Variants in TEC observed in about 807,000 individuals in gnomAD.
The protein encoded by TEC is tec protein tyrosine kinase.
Under a neutral mutation model 93.0 loss-of-function variants are expected in TEC, and 72 were observed. The ratio of observed to expected loss-of-function variants is 0.77; its 90% CI spans 0.64 to 0.94. The LOEUF is 0.94. Among genes scored for constraint, TEC ranks in the 40% least tolerant of loss-of-function variants. The probability of loss-of-function intolerance (pLI) is 0.00; values close to 1 mark genes in which losing one functional copy is unlikely to be tolerated. For synonymous variants in TEC, 249 were observed against 247.7 expected, an observed-to-expected ratio of 1.01 and a Z score of -0.05; for missense variants, 630 against 757.9, an observed-to-expected ratio of 0.83 and a Z score of 1.98.
intron 1 of TEC, among the ~76,000 whole-genome samples, chr4:48,247,950 G>C (rs995952655): frequency 2.0e-5 from 3 of 152,170 alleles, no homozygotes; most frequent in African/African-American, 7.2e-5. Flanking sequence ...AAAAGGAGGA[G>C]TCAGAAACCA....
At chr4:48,218,823 T>C (rs1723162068) in intron 2 of TEC, among the ~76,000 whole-genome samples, 1 of 152,152 alleles carries the variant, frequency 6.6e-6, no homozygotes, top group Non-Finnish European at 1.5e-5. Flanking sequence ...CATGTCATCG[T>C]ACTTGTAACT....
intron 1 of TEC, among the ~76,000 whole-genome samples, chr4:48,264,274 T>C (rs1724574808): frequency 6.6e-6 from 1 of 152,190 alleles, no homozygotes; most frequent in African/African-American, 2.4e-5. Flanking sequence ...TAAAGTCTTT[T>C]TAAAAAGCTG....
At chr4:48,142,599 TTCAAGGTTAC>T (rs1439808711) in intron 14 of TEC, among the ~76,000 whole-genome samples, 1 of 152,256 alleles carries the variant, frequency 6.6e-6, no homozygotes, top group Non-Finnish European at 1.5e-5. Context: ...TTGCATGTTC[TTCAAGGTTAC>T]AAGGTTTAAG....
At chr4:48,211,722 T>C (rs1463283912) in intron 2 of TEC, among the ~76,000 whole-genome samples, 3 of 152,208 alleles carry the variant, frequency 2.0e-5, no homozygotes, top group Non-Finnish European at 4.4e-5. Context: ...AAAGTATATA[T>C]GAAATGTACC....
At position 48,179,367 on chromosome 4, in the gene TEC, TA is replaced by T. The variant is rs1402413182; in HGVS notation, c.139-3182del. 4.0e-3 allele frequency among the ~76,000 whole-genome samples: 164 copies of T among 41,080 alleles called. 2 individuals are homozygous for T. The highest frequency in any genetic ancestry group is 9.2e-3 in the East Asian group (7 of 764). 27.0% of individuals were successfully genotyped at this position (41,080 alleles called of 152,430 possible). A position where few individuals can be genotyped will look rare whatever the true frequency, so the allele number is the denominator to read the frequency against. On this transcript the variant is annotated intron_variant, in intron 2 of 17. Coordinates refer to ENST00000381501, the MANE Select transcript of TEC (RefSeq NM_003215.3). ...ATATATATATATATATATATATATA[TA>T]TATATATATTTTTTTTTTTTTTTTT...
intron 1 of TEC, among the ~76,000 whole-genome samples, chr4:48,255,916 A>G (rs1724328241): frequency 6.6e-6 from 1 of 152,208 alleles, no homozygotes; most frequent in African/African-American, 2.4e-5. Context: ...CAGCATTTGG[A>G]TAAATCAGCC....
rs150712765 is a variant in TEC at position 48,240,100 on chromosome 4, A to C, written c.-45-11441T>G. 3.1e-3 allele frequency among the ~76,000 whole-genome samples: 472 copies of C among 152,174 alleles called. 4 individuals are homozygous for C. Among genetic ancestry groups the C allele is most frequent in the African/African-American group, 0.011 (455 of 41,514 alleles). On this transcript the variant is annotated intron_variant, in intron 1 of 17. Coordinates refer to ENST00000381501, the MANE Select transcript of TEC (RefSeq NM_003215.3). ...AAATAATGTCTGTGATTTGCTTCCT[A>C]ATCTGAAGGGTATGGAAGAGTATAG...
At chr4:48,173,063 C>A (rs555055809) in intron 3 of TEC, among the ~76,000 whole-genome samples, 7 of 152,178 alleles carry the variant, frequency 4.6e-5, no homozygotes, top group Non-Finnish European at 8.8e-5. Flanking sequence ...ATCCATACAG[C>A]AATCCAGTTC....
At chr4:48,175,994 C>A (rs1721309174) in intron 3 of TEC, 88 bp downstream of exon 3, 5 of 1,017,984 alleles carry the variant, frequency 4.9e-6, no homozygotes, top group Non-Finnish European at 7.5e-6. Flanking sequence ...ACAAATCAGC[C>A]AGCAAAGCAA....
At chr4:48,169,005 T>G (rs112811069) in intron 5 of TEC, among the ~76,000 whole-genome samples, 14 of 151,914 alleles carry the variant, frequency 9.2e-5, no homozygotes, top group African/African-American at 3.4e-4. Flanking sequence ...AGTCCTAGAG[T>G]TTTGGCTGAC....
Position 48,169,961 on chromosome 4 carries a change from T to C in TEC, c.454+287A>G, listed in dbSNP as rs540093003. ...TGGTTTATTTGTTGAAGAACATTAA[T>C]GCTTTTCAAAGCTGCTGACAGTGCC... On this transcript the variant is annotated intron_variant, in intron 5 of 17. Transcript: ENST00000381501. Among the ~76,000 whole-genome samples the C allele has an allele frequency of 2.1e-4, 32 of 152,356 alleles. No individual in the cohort carries two copies. The South Asian group carries it at 6.0e-3, about 29-fold the overall frequency.
Position 48,204,497 on chromosome 4 carries a change from G to T in TEC, c.138+23980C>A, listed in dbSNP as rs974600055. Among the ~76,000 whole-genome samples, 36 of 152,184 alleles carry T rather than the reference G, an allele frequency of 2.4e-4. 1 individual carries two copies. Among genetic ancestry groups the T allele is most frequent in the Non-Finnish European group, 1.5e-5 (1 of 68,026 alleles). The stretch of plus-strand genomic sequence containing the variant: ...CGTGCCTTTTCCTTTCGCTGATTTT[G>T]CTTTGCATCTATCTCTTCACTGTAA... On this transcript the variant is annotated intron_variant, in intron 2 of 17. Transcript: ENST00000381501.
chr4:48,250,193 GTAAATGGCCTCATAA>G (rs1247692757), intron 1 of TEC, among the ~76,000 whole-genome samples: 2 of 152,178 alleles, frequency 1.3e-5, no homozygotes, highest in Non-Finnish European at 2.9e-5. Context: ...CAGTATCCAA[GTAAATGGCCTCATAA>G]TCTCCCCAGC....
At position 48,213,664 on chromosome 4, in the gene TEC, G is replaced by C. The variant is rs59681009; in HGVS notation, c.138+14813C>G. ...AGTTTTAGAAACAACTCAAAATGTA[G>C]TATCACTTTCTTAAATTGTCATGTG... On this transcript the variant is annotated intron_variant, in intron 2 of 17. Coordinates refer to ENST00000381501, the MANE Select transcript of TEC (RefSeq NM_003215.3). Among the ~76,000 whole-genome samples, 920 of 152,282 alleles carry C rather than the reference G, an allele frequency of 6.0e-3. 14 individuals carry two copies. Among genetic ancestry groups the C allele is most frequent in the African/African-American group, 0.021 (891 of 41,552 alleles).
chr4:48,219,419 C>T (rs777564371), intron 2 of TEC, among the ~76,000 whole-genome samples: 4 of 152,202 alleles, frequency 2.6e-5, no homozygotes, highest in Non-Finnish European at 5.9e-5. Flanking sequence ...TGCAGTCATC[C>T]GGAGGCCTAA....
chr4:48,145,537 T>C lies in TEC; in HGVS notation c.1124A>G (p.Glu375Gly). The part of the protein sequence containing the change: ...INPSELTFMR[E>G]LGSGLFGVVR... ...CACTCCAAACAGTCCACTTCCCAAT[T>C]CCCTCATAAAGGTCAGTTCTGAAGG... is the stretch of plus-strand genomic sequence containing the variant. The change falls in exon 13 of 18, where the codon GAA (glutamate) becomes GGA (glycine). Residue 375 changes from glutamate to glycine, a missense_variant. By Grantham distance (98) the Glu-to-Gly change is moderately conservative. Transcript: ENST00000381501. 6.2e-7 allele frequency: 1 copy of C among 1,614,098 alleles called. No individual in the cohort carries two copies. The highest frequency in any genetic ancestry group is 8.5e-7 in the Non-Finnish European group (1 of 1,180,018).
intron 2 of TEC, among the ~76,000 whole-genome samples, chr4:48,198,484 C>T (rs989333146): frequency 6.6e-6 from 1 of 152,248 alleles, no homozygotes; most frequent in Non-Finnish European, 1.5e-5. Flanking sequence ...ACTGGAATCC[C>T]ATTAGCTAGA....
rs138035595 is a variant in TEC at position 48,162,848 on chromosome 4, C to G, written c.737+854G>C. Among the ~76,000 whole-genome samples, 24 of 152,212 alleles carry G rather than the reference C, an allele frequency of 1.6e-4. No individual in the cohort carries two copies. In the East Asian group the frequency reaches 4.4e-3, roughly 28 times the overall value. ...AAAAGAGCGTTCAATGTATATGAGCCTCACGTTACAACTTGGCCACACACT... is the reference window on the plus strand; with the variant it reads ...AAAAGAGCGTTCAATGTATATGAGCGTCACGTTACAACTTGGCCACACACT... On this transcript the variant is annotated intron_variant, in intron 8 of 17. Coordinates refer to ENST00000381501, the MANE Select transcript of TEC (RefSeq NM_003215.3).
chr4:48,245,275 C>T (rs1262077281), intron 1 of TEC, among the ~76,000 whole-genome samples: 1 of 142,428 alleles, frequency 7.0e-6, no homozygotes, highest in Non-Finnish European at 1.5e-5. Context: ...CCTGGCAACA[C>T]AACGAGAGTC....
Sources: allele counts gnomAD v4.1 joint callset (sites outside exome capture counted in the v4.1 genomes callset), GRCh38; gene constraint gnomAD v4.1.1; transcripts MANE v1.5; gene names NCBI Gene and HGNC (gene_info 2026-07-23, HGNC 2026-07-21).